The following PSAT1 variants were observed in gnomAD, a reference collection of about 807,000 sequenced individuals.
PSAT1 encodes the protein phosphoserine aminotransferase 1, also known as phosphoserine aminotransferase.
Under a neutral mutation model 40.3 loss-of-function variants are expected in PSAT1, and 41 were observed. The observed-to-expected ratio is 1.02, with a 90% CI of 0.79 to 1.32. The LOEUF (loss-of-function observed/expected upper bound fraction) is 1.32. Among genes scored for constraint, PSAT1 ranks in the 40% most tolerant of loss-of-function variants. PSAT1 has a pLI of 0.00. For missense variants in PSAT1, 406 were observed against 455.8 expected, an observed-to-expected ratio of 0.89 and a Z score of 0.99; for synonymous variants, 147 against 170.5, an observed-to-expected ratio of 0.86 and a Z score of 1.07.
intron 4 of PSAT1, 63 bp from the exon 5 acceptor site, chr9:78,306,251 C>G: frequency 6.4e-7 from 1 of 1,568,312 alleles, no homozygotes; most frequent in Non-Finnish European, 8.8e-7. Context: ...TGGTTGACTC[C>G]CATCTATGTA....
At chr9:78,327,971 A>C in intron 7 of PSAT1, 80 bp from the exon 8 acceptor site, 1 of 1,495,560 alleles carries the variant, frequency 6.7e-7, no homozygotes, top group Non-Finnish European at 9.3e-7. Context: ...GGAAGTGTTA[A>C]GAAAAAAAAA....
chr9:78,314,719 G>T (rs901553896), intron 6 of PSAT1, among the ~76,000 whole-genome samples: 1 of 152,106 alleles, frequency 6.6e-6, no homozygotes, highest in African/African-American at 2.4e-5. Context: ...GATCATGGGC[G>T]GCGAGTGTGA....
At chr9:78,314,819 A>G (rs1191677371) in intron 6 of PSAT1, among the ~76,000 whole-genome samples, 2 of 151,860 alleles carry the variant, frequency 1.3e-5, no homozygotes, top group African/African-American at 2.4e-5. Flanking sequence ...CTTTGGATTT[A>G]GACAAACCAA....
intron 3 of PSAT1, among the ~76,000 whole-genome samples, chr9:78,304,370 C>T (rs1161095890): frequency 6.6e-6 from 1 of 152,180 alleles, no homozygotes; most frequent in Non-Finnish European, 1.5e-5. Context: ...GTACCAAATT[C>T]CATTGGCCAG....
chr9:78,327,484 G>A lies in PSAT1; in HGVS notation c.870-567G>A, dbSNP rs185718071. On this transcript the variant is annotated intron_variant, in intron 7 of 8. Transcript: ENST00000376588. ...TTATTTAATGCTTACAACAACTTGAGGTGGTTGAGGTAGGTTCCTCTATTA... is the reference window on the plus strand; with the variant it reads ...TTATTTAATGCTTACAACAACTTGAAGTGGTTGAGGTAGGTTCCTCTATTA... 6.6e-5 allele frequency among the ~76,000 whole-genome samples: 10 copies of A among 152,278 alleles called. No individual in the cohort carries two copies. The East Asian group carries it at 1.7e-3, about 26-fold the overall frequency.
At position 78,317,699 on chromosome 9, in the gene PSAT1, T is replaced by C; in HGVS notation, c.764T>C (p.Leu255Pro). 5 of 1,613,978 alleles carry C rather than the reference T, an allele frequency of 3.1e-6. No individual in the cohort carries two copies. Among genetic ancestry groups the C allele is most frequent in the Non-Finnish European group, 4.2e-6 (5 of 1,179,872 alleles). ...CFSIYVMGLV[L>P]EWIKNNGGAA... ...AGCATCTACGTCATGGGCTTGGTTC[T>C]GGAGTGGATTAAAAACAATGGAGGT... Residue 255 changes from leucine (L) to proline (P), a missense_variant, in exon 7 of 9, where the codon CTG becomes CCG. Leu to Pro is a moderately conservative substitution (Grantham distance 98, BLOSUM62 -3). Transcript: ENST00000376588.
chr9:78,314,931 C>T (rs1828319047), intron 6 of PSAT1, among the ~76,000 whole-genome samples: 1 of 152,020 alleles, frequency 6.6e-6, no homozygotes, highest in African/African-American at 2.4e-5. Flanking sequence ...TTGTTGGTGA[C>T]CTGGGCTCTG....
intron 2 of PSAT1, 48 bp downstream of exon 2, chr9:78,300,710 CTTTTTTTTTTTT>C (rs753207413): frequency 2.7e-6 from 3 of 1,107,152 alleles, no homozygotes; most frequent in East Asian, 9.2e-5. Context: ...TCAAAGGAAG[CTTTTTTTTTTTT>C]TTTTTTTTTT....
chr9:78,326,947 A>T (rs1363905025), intron 7 of PSAT1, among the ~76,000 whole-genome samples: 1 of 87,976 alleles, frequency 1.1e-5, no homozygotes, highest in African/African-American at 7.3e-5. Context: ...ATATATATAT[A>T]TATATATATT....
intron 1 of PSAT1, 108 bp downstream of exon 1, chr9:78,297,378 G>A (rs1467705601): frequency 3.1e-6 from 4 of 1,303,720 alleles, no homozygotes; most frequent in African/African-American, 2.9e-5. Context: ...CCTGCCTTGA[G>A]TCCCCTAGGC....
At chr9:78,300,546 G>A (rs994915076) in intron 1 of PSAT1, 56 bp from the exon 2 acceptor site, 77 of 1,565,032 alleles carry the variant, frequency 4.9e-5, no homozygotes, top group Non-Finnish European at 6.1e-5. Context: ...TATGTTCAGA[G>A]GGAAAGCAGT....
intron 7 of PSAT1, among the ~76,000 whole-genome samples, chr9:78,318,982 T>A (rs1429510680): frequency 6.6e-6 from 1 of 152,320 alleles, no homozygotes; most frequent in Non-Finnish European, 1.5e-5. Flanking sequence ...AAGACCAGAC[T>A]TCCTGCTGTG....
At chr9:78,320,133 T>C (rs1726164408) in intron 7 of PSAT1, among the ~76,000 whole-genome samples, 1 of 150,768 alleles carries the variant, frequency 6.6e-6, no homozygotes, top group African/African-American at 2.4e-5. Flanking sequence ...CACTCATCCA[T>C]CTATCCATCC....
At chr9:78,301,803 C>T in intron 2 of PSAT1, 151 bp from the exon 3 acceptor site, 1 of 701,454 alleles carries the variant, frequency 1.4e-6, no homozygotes, top group Non-Finnish European at 2.6e-6. Context: ...TGTATGGTCC[C>T]CTAAACTAAG....
Position 78,308,481 on chromosome 9 carries a change from G to A in PSAT1, c.638G>A (p.Arg213His), listed in dbSNP as rs759482379. The A allele has an allele frequency of 5.5e-5, 88 of 1,613,914 alleles. No individual in the cohort carries two copies. Among genetic ancestry groups the A allele is most frequent in the Middle Eastern group, 3.3e-4 (2 of 6,048 alleles). The change falls in exon 6 of 9, where the codon CGT (arginine) becomes CAT (histidine). Residue 213 changes from arginine to histidine, a missense_variant. Arg to His is a conservative substitution (Grantham distance 29). Transcript: ENST00000376588. ...GCTGGGGTCACCGTGGTGATTGTCC[G>A]TGATGACCTGCTGGGGTTTGCCCTC... is the stretch of plus-strand genomic sequence containing the variant. The part of the protein sequence containing the change: ...GSAGVTVVIV[R>H]DDLLGFALRE...
At chr9:78,320,254 TG>T (rs1362167662) in intron 7 of PSAT1, among the ~76,000 whole-genome samples, 1 of 148,122 alleles carries the variant, frequency 6.8e-6, no homozygotes, top group Non-Finnish European at 1.5e-5. Flanking sequence ...GACATCCATC[TG>T]TCCACCCATT....
intron 7 of PSAT1, among the ~76,000 whole-genome samples, chr9:78,322,293 A>T (rs1480947136): frequency 6.6e-6 from 1 of 152,160 alleles, no homozygotes; most frequent in Non-Finnish European, 1.5e-5. Context: ...AATAAAATGA[A>T]GCAGGCAGAG....
chr9:78,308,222 T>C (rs1014660460), intron 5 of PSAT1, among the ~76,000 whole-genome samples, 192 bp from the exon 6 acceptor site: 1 of 152,136 alleles, frequency 6.6e-6, no homozygotes, highest in Admixed American at 6.5e-5. Flanking sequence ...TGACGGATCA[T>C]CCTCAGGCTT....
intron 7 of PSAT1, among the ~76,000 whole-genome samples, chr9:78,326,051 C>T (rs540940551): frequency 1.3e-5 from 2 of 152,248 alleles, no homozygotes; most frequent in African/African-American, 2.4e-5. Context: ...CAATGTCAGC[C>T]GTGAAACCTA....
Sources: allele counts gnomAD v4.1 joint callset (sites outside exome capture counted in the v4.1 genomes callset), GRCh38; gene constraint gnomAD v4.1.1; transcripts MANE v1.5; gene names NCBI Gene and HGNC (gene_info 2026-07-23, HGNC 2026-07-21).